KIRREL3: variants seen among roughly 807,000 people sequenced by gnomAD.
KIRREL3 encodes the protein kirre like nephrin family adhesion molecule 3.
KIRREL3 carries 36 observed loss-of-function variants against 89.7 expected under a neutral mutation model. That is an observed-to-expected ratio of 0.40 (90% confidence interval 0.31 to 0.53). KIRREL3 has a LOEUF of 0.53. Among genes scored for constraint, KIRREL3 ranks in the 20% least tolerant of loss-of-function variants. The probability of loss-of-function intolerance (pLI) is 0.49; values close to 1 mark genes in which losing one functional copy is unlikely to be tolerated. For synonymous variants in KIRREL3, 445 were observed against 441.4 expected (o/e 1.01, Z -0.10); for missense variants, 864 against 1,056.6 (o/e 0.82, Z 2.53).
In KIRREL3 at chr11:126,579,851, A is replaced by ATTT. The variant is rs113084978; in HGVS notation, c.56-16942_56-16940dup. On this transcript the variant is annotated intron_variant, in intron 1 of 16. Transcript: ENST00000525144. The surrounding 1 kb of genome is among the most constrained non-coding windows in gnomAD (Gnocchi z 5.3). Reference sequence around the variant, plus strand: ...GGTCCTTAAAAGAGGGAGCCAAGTCATTTTTTTTTTTTGAGGCAGAGTCTT... The same window carrying ATTT: ...GGTCCTTAAAAGAGGGAGCCAAGTCATTTTTTTTTTTTTTTGAGGCAGAGTCTT... 8.9e-5 allele frequency among the ~76,000 whole-genome samples: 13 copies of ATTT among 146,806 alleles called. No homozygotes were observed. The highest frequency in any genetic ancestry group is 1.0e-4 in the Non-Finnish European group (7 of 66,708).
At chr11:126,781,053 C>G (rs1431640708) in intron 1 of KIRREL3, among the ~76,000 whole-genome samples, 2 of 152,198 alleles carry the variant, frequency 1.3e-5, no homozygotes, top group African/African-American at 4.8e-5. Context: ...AATTTTAACT[C>G]TGGAAACTTT....
chr11:126,962,241 A>C (rs1949112967), intron 1 of KIRREL3, among the ~76,000 whole-genome samples: 1 of 152,226 alleles, frequency 6.6e-6, no homozygotes, highest in South Asian at 2.1e-4. Context: ...GGGCAAAGTA[A>C]ATTGAAAACC....
At chr11:126,698,936 G>A (rs1947206662) in intron 1 of KIRREL3, among the ~76,000 whole-genome samples, 1 of 152,232 alleles carries the variant, frequency 6.6e-6, no homozygotes, top group Admixed American at 6.5e-5. Context: ...GGCAGGAGCT[G>A]CGATCTTAAG....
In KIRREL3 at chr11:126,766,992, G is replaced by A. The variant is rs1228561928; in HGVS notation, c.56-204080C>T. 1.3e-5 allele frequency among the ~76,000 whole-genome samples: 2 copies of A among 152,194 alleles called. No individual in the cohort carries two copies. Among genetic ancestry groups the A allele is most frequent in the Admixed American group, 6.5e-5 (1 of 15,278 alleles). ...ATTAGAGACTCTGCATTGAGGAGGG[G>A]GTACTTGGTGGCTCTTTGTGGGTAA... On this transcript the variant is annotated intron_variant, in intron 1 of 16. Coordinates refer to ENST00000525144, the MANE Select transcript of KIRREL3 (RefSeq NM_032531.4). The surrounding 1 kb of genome is among the most constrained non-coding windows in gnomAD (Gnocchi z 4.2).
rs746147625 is a variant in KIRREL3 at position 126,495,556 on chromosome 11, C to T, written c.434-22090G>A. Among the ~76,000 whole-genome samples the T allele has an allele frequency of 7.9e-5, 12 of 152,164 alleles. No individual in the cohort carries two copies. Among genetic ancestry groups the T allele is most frequent in the Non-Finnish European group, 1.5e-4 (10 of 68,028 alleles). On this transcript the variant is annotated intron_variant, in intron 4 of 16. Coordinates refer to ENST00000525144, the MANE Select transcript of KIRREL3 (RefSeq NM_032531.4). The surrounding 1 kb of genome is among the most constrained non-coding windows in gnomAD (Gnocchi z 6.5). ...ATGAGGGCCTGAGTTATTGTTTATA[C>T]CTGGCCTTCCTCCTCCGGGTCTAGC...
At position 126,635,088 on chromosome 11, in the gene KIRREL3, TTTTTC is replaced by T. The variant is rs2134902080; in HGVS notation, c.56-72181_56-72177del. 6.6e-6 allele frequency among the ~76,000 whole-genome samples: 1 copy of T among 152,328 alleles called. No individual in the cohort carries two copies. The highest frequency in any genetic ancestry group is 1.9e-4 in the East Asian group (1 of 5,188). On this transcript the variant is annotated intron_variant, in intron 1 of 16. Coordinates refer to ENST00000525144, the MANE Select transcript of KIRREL3 (RefSeq NM_032531.4). This position sits in a 1 kb window ranked among gnomAD's most constrained non-coding sequence, Gnocchi z 4.0. ...GTCTGAGAATGAGCACAAAGAACAC[TTTTTC>T]TTTTAAGGATTGACCTTTTGCTCAA...
chr11:126,687,208 G>T lies in KIRREL3; in HGVS notation c.56-124296C>A, dbSNP rs889812368. Among the ~76,000 whole-genome samples, 1 of 152,276 alleles carries T rather than the reference G, an allele frequency of 6.6e-6. No homozygotes were observed. Among genetic ancestry groups the T allele is most frequent in the East Asian group, 1.9e-4 (1 of 5,186 alleles). ...TCAAACGTGCTGAGCCCTGCCTTGC[G>T]CCAGGCAGTGAGCTAGTCCTTATTT... is the stretch of plus-strand genomic sequence containing the variant. On this transcript the variant is annotated intron_variant, in intron 1 of 16. Transcript: ENST00000525144. The surrounding 1 kb of genome is among the most constrained non-coding windows in gnomAD (Gnocchi z 4.6).
Position 126,896,821 on chromosome 11 carries a change from G to A in KIRREL3, c.55+103634C>T, listed in dbSNP as rs183440983. On this transcript the variant is annotated intron_variant, in intron 1 of 16. Transcript: ENST00000525144. This position sits in a 1 kb window ranked among gnomAD's most constrained non-coding sequence, Gnocchi z 4.1. The stretch of plus-strand genomic sequence containing the variant: ...AACTGCTCAGATCTTACCCAAGCGC[G>A]TGTTCTCCTCTTTCATAGCTTCCAT... Among the ~76,000 whole-genome samples, 2 of 152,236 alleles carry A rather than the reference G, an allele frequency of 1.3e-5. No homozygotes were observed. Among genetic ancestry groups the A allele is most frequent in the East Asian group, 1.9e-4 (1 of 5,166 alleles).
chr11:126,752,562 C>G lies in KIRREL3; in HGVS notation c.56-189650G>C, dbSNP rs577984223. ...GCAGAATTAGAGAATACTTAACTCT[C>G]TCAAGTTTGGGTACAATTTCTAAGA... On this transcript the variant is annotated intron_variant, in intron 1 of 16. Transcript: ENST00000525144. The surrounding 1 kb of genome is among the most constrained non-coding windows in gnomAD (Gnocchi z 4.8). 4.4e-4 allele frequency among the ~76,000 whole-genome samples: 67 copies of G among 152,292 alleles called. No homozygotes were observed. Among genetic ancestry groups the G allele is most frequent in the African/African-American group, 1.4e-3 (60 of 41,554 alleles).
rs1943520310 is a variant in KIRREL3 at position 126,620,198 on chromosome 11, C to T, written c.56-57286G>A. Among the ~76,000 whole-genome samples, 1 of 152,136 alleles carries T rather than the reference C, an allele frequency of 6.6e-6. No homozygotes were observed. The highest frequency in any genetic ancestry group is 1.5e-5 in the Non-Finnish European group (1 of 68,018). On this transcript the variant is annotated intron_variant, in intron 1 of 16. Transcript: ENST00000525144. This position sits in a 1 kb window ranked among gnomAD's most constrained non-coding sequence, Gnocchi z 4.8. ...TCTTCCTTCTTAAAATTTTTCCAAT[C>T]AGCTATTATAGTTCCCTTTAGTTCT... is the stretch of plus-strand genomic sequence containing the variant.
rs1940358497 is a variant in KIRREL3 at position 126,564,357 on chromosome 11, G to T, written c.56-1445C>A. ...GAGAGTGCAGGGCCCATGAGACACA[G>T]ATAAGTCAAGCTCAGGGGCTCTTGC... On this transcript the variant is annotated intron_variant, in intron 1 of 16. Transcript: ENST00000525144. This position sits in a 1 kb window ranked among gnomAD's most constrained non-coding sequence, Gnocchi z 7.4. 6.6e-6 allele frequency among the ~76,000 whole-genome samples: 1 copy of T among 152,224 alleles called. No individual in the cohort carries two copies. Among genetic ancestry groups the T allele is most frequent in the Non-Finnish European group, 1.5e-5 (1 of 68,048 alleles).
chr11:126,539,406 A>C (rs1357363502), intron 2 of KIRREL3, among the ~76,000 whole-genome samples: 1 of 152,176 alleles, frequency 6.6e-6, no homozygotes, highest in Admixed American at 6.5e-5. Flanking sequence ...TTTTTGACCC[A>C]CATGCTCAGA....
intron 1 of KIRREL3, among the ~76,000 whole-genome samples, chr11:126,753,635 T>G (rs538357346): frequency 2.6e-5 from 4 of 152,090 alleles, no homozygotes; most frequent in Non-Finnish European, 5.9e-5. Flanking sequence ...GTTCAGATTA[T>G]ATTAAGATCT....
chr11:126,793,944 A>G (rs1261899081), intron 1 of KIRREL3, among the ~76,000 whole-genome samples: 1 of 152,206 alleles, frequency 6.6e-6, no homozygotes, highest in Non-Finnish European at 1.5e-5. Context: ...GAAAAGTTAT[A>G]TAACGGCCTG....
rs1948285145 is a variant in KIRREL3, at chr11:126,724,152, A to G, written c.56-161240T>C. Among the ~76,000 whole-genome samples, 1 of 152,154 alleles carries G rather than the reference A, an allele frequency of 6.6e-6. No homozygotes were observed. Among genetic ancestry groups the G allele is most frequent in the Admixed American group, 6.5e-5 (1 of 15,274 alleles). ...TACCCCAACTGTTCCCACTTGACTT[A>G]AGAGACAATGTGGGGAAGAACATCA... On this transcript the variant is annotated intron_variant, in intron 1 of 16. Coordinates refer to ENST00000525144, the MANE Select transcript of KIRREL3 (RefSeq NM_032531.4). The surrounding 1 kb of genome is among the most constrained non-coding windows in gnomAD (Gnocchi z 4.3).
rs896644368 is a variant in KIRREL3, at chr11:126,525,812, C to CT, written c.283+725dup. On this transcript the variant is annotated intron_variant, in intron 3 of 16. Coordinates refer to ENST00000525144, the MANE Select transcript of KIRREL3 (RefSeq NM_032531.4). The surrounding 1 kb of genome is among the most constrained non-coding windows in gnomAD (Gnocchi z 5.4). ...TGTGTGACCAGGGGGATGAGCCATT[C>CT]TTTTTTTTTCTCCAGGGAAGAGGAT... is the stretch of plus-strand genomic sequence containing the variant. Among the ~76,000 whole-genome samples the CT allele has an allele frequency of 2.0e-5, 3 of 151,620 alleles. No homozygotes were observed. Among genetic ancestry groups the CT allele is most frequent in the Admixed American group, 2.0e-4 (3 of 15,196 alleles).
chr11:126,660,849 A>G (rs1482811334), intron 1 of KIRREL3, among the ~76,000 whole-genome samples: 2 of 152,196 alleles, frequency 1.3e-5, no homozygotes, highest in African/African-American at 4.8e-5. Context: ...CTGTATATTA[A>G]CACCATCCTG....
chr11:126,714,110 C>T (rs952062117), intron 1 of KIRREL3, among the ~76,000 whole-genome samples: 14 of 152,268 alleles, frequency 9.2e-5, no homozygotes, highest in African/African-American at 2.6e-4. Context: ...AGAAGACCCT[C>T]ACTCCCAGGC....
In KIRREL3 at chr11:126,817,144, G is replaced by A. The variant is rs1185980335; in HGVS notation, c.55+183311C>T. Among the ~76,000 whole-genome samples, 1 of 152,106 alleles carries A rather than the reference G, an allele frequency of 6.6e-6. No homozygotes were observed. Among genetic ancestry groups the A allele is most frequent in the East Asian group, 1.9e-4 (1 of 5,192 alleles). Reference sequence around the variant, plus strand: ...GAAAGATAGAAAAATTAAGCAGCTGGACCATGGATAAACAGCAAAAAAGCC... The same window carrying A: ...GAAAGATAGAAAAATTAAGCAGCTGAACCATGGATAAACAGCAAAAAAGCC... On this transcript the variant is annotated intron_variant, in intron 1 of 16. Coordinates refer to ENST00000525144, the MANE Select transcript of KIRREL3 (RefSeq NM_032531.4). The surrounding 1 kb of genome is among the most constrained non-coding windows in gnomAD (Gnocchi z 5.7).
Sources: gnomAD v4.1 joint callset for allele counts (sites outside exome capture counted in the v4.1 genomes callset) on GRCh38, gnomAD v4.1.1 for gene constraint, Gnocchi (gnomAD v3.1) non-coding constraint, MANE v1.5 for transcripts, NCBI Gene and HGNC (gene_info 2026-07-23, HGNC 2026-07-21) for gene names.